Variants in PCBP3 observed in about 807,000 individuals in gnomAD.
The protein encoded by PCBP3 is poly(rC) binding protein 3, also known as poly(rC)-binding protein 3.
A neutral mutation model predicts 52.7 loss-of-function variants in PCBP3; 25 were observed. The observed-to-expected ratio is 0.47, with a 90% CI of 0.35 to 0.66. PCBP3 has a LOEUF of 0.66. PCBP3 is among the 30% of genes least tolerant of loss of function. The probability of loss-of-function intolerance (pLI) is 0.01; values close to 1 mark genes in which losing one functional copy is unlikely to be tolerated. For missense variants in PCBP3, 391 were observed against 490.3 expected (o/e 0.80, Z 1.91); for synonymous variants, 162 against 183.0 (o/e 0.89, Z 0.93).
chr21:45,794,129 AG>A (rs1441284310), intron 4 of PCBP3, among the ~76,000 whole-genome samples: 1 of 152,216 alleles, frequency 6.6e-6, no homozygotes, highest in Admixed American at 6.5e-5. Context: ...ACTAAACTTC[AG>A]GGTTTTTTTC....
chr21:45,810,456 G>A (rs1228622096), intron 4 of PCBP3, among the ~76,000 whole-genome samples: 1 of 150,924 alleles, frequency 6.6e-6, no homozygotes, highest in East Asian at 1.9e-4. Context: ...TAGAGATGAG[G>A]TTTTGCCACA....
chr21:45,839,840 C>T (rs1730287190), intron 4 of PCBP3, among the ~76,000 whole-genome samples: 1 of 151,954 alleles, frequency 6.6e-6, no homozygotes, highest in African/African-American at 2.4e-5. Flanking sequence ...GCGCCCGCCA[C>T]CACACCTGGC....
intron 4 of PCBP3, among the ~76,000 whole-genome samples, chr21:45,819,048 C>G (rs1019667017): frequency 6.6e-6 from 1 of 152,182 alleles, no homozygotes; most frequent in Non-Finnish European, 1.5e-5. Flanking sequence ...ACTTTTACTA[C>G]AGGGAAAATA....
rs570138192 is a variant in PCBP3 at position 45,936,482 on chromosome 21, G to A, written c.909+1177G>A. Among the ~76,000 whole-genome samples, 9 of 152,328 alleles carry A rather than the reference G, an allele frequency of 5.9e-5. No homozygotes were observed. In the South Asian group the frequency reaches 8.3e-4, roughly 14 times the overall value. Reference sequence around the variant, plus strand: ...GGCATCCCCAAGGATTTCTGAGGTTGGCCCAACTTGAAAGGCAGCAGCACA... The same window carrying A: ...GGCATCCCCAAGGATTTCTGAGGTTAGCCCAACTTGAAAGGCAGCAGCACA... On this transcript the variant is annotated intron_variant, in intron 16 of 17. Coordinates refer to ENST00000681687, the MANE Select transcript of PCBP3 (RefSeq NM_001384156.1).
At chr21:45,671,092 G>A (rs1371168735) in intron 2 of PCBP3, among the ~76,000 whole-genome samples, 2 of 152,196 alleles carry the variant, frequency 1.3e-5, no homozygotes. Flanking sequence ...CCAGTGATGG[G>A]GTTCTATCTA....
intron 5 of PCBP3, among the ~76,000 whole-genome samples, chr21:45,868,786 A>G (rs1488765420): frequency 6.6e-6 from 1 of 152,206 alleles, no homozygotes; most frequent in Non-Finnish European, 1.5e-5. Context: ...TGGCCGAGAC[A>G]GGGAAGGGAG....
At chr21:45,825,750 G>A (rs557884942) in intron 4 of PCBP3, among the ~76,000 whole-genome samples, 35 of 152,172 alleles carry the variant, frequency 2.3e-4, no homozygotes, top group Non-Finnish European at 5.0e-4. Context: ...GTCTGGGGAG[G>A]GGAAGTTCTC....
chr21:45,744,629 T>C (rs1359827313), intron 3 of PCBP3, among the ~76,000 whole-genome samples: 2 of 152,238 alleles, frequency 1.3e-5, no homozygotes, highest in African/African-American at 4.8e-5. Context: ...AATTTTACTA[T>C]TAATTTCTCA....
At chr21:45,836,463 G>A (rs1208075640) in intron 4 of PCBP3, 5 of 151,164 alleles carry the variant, frequency 3.3e-5, no homozygotes, top group Admixed American at 3.3e-4. Flanking sequence ...CAACGTCTTG[G>A]CCTTCCTGCC....
At chr21:45,919,152 G>C (rs1220882561) in intron 13 of PCBP3, 1 of 152,296 alleles carries the variant, frequency 6.6e-6, no homozygotes, top group Non-Finnish European at 1.5e-5. Context: ...GGCCCCACCG[G>C]AAGTGCTTCG....
rs541930100 is a variant in PCBP3 at position 45,780,638 on chromosome 21, G to A, written c.-126+25186G>A. On this transcript the variant is annotated intron_variant, in intron 4 of 17. Transcript: ENST00000681687. Reference sequence around the variant, plus strand: ...AGAGTTGGGTCTGGGTGTGTGGCTCGGGTGAAACACACAGGAGACAGCACA... The same window carrying A: ...AGAGTTGGGTCTGGGTGTGTGGCTCAGGTGAAACACACAGGAGACAGCACA... Among the ~76,000 whole-genome samples the A allele has an allele frequency of 2.0e-4, 31 of 152,272 alleles. No homozygotes were observed. In the South Asian group the frequency reaches 3.7e-3, roughly 18 times the overall value.
At chr21:45,810,515 C>T (rs1043301810) in intron 4 of PCBP3, among the ~76,000 whole-genome samples, 6 of 152,034 alleles carry the variant, frequency 3.9e-5, no homozygotes, top group Non-Finnish European at 7.4e-5. Flanking sequence ...CTTCCCACCT[C>T]GGTCTCCCAA....
rs184940591 is a variant in PCBP3, at chr21:45,735,813, G to T, written c.-162+384G>T. On this transcript the variant is annotated intron_variant, in intron 3 of 17. Transcript: ENST00000681687. The surrounding 1 kb of genome is among the most constrained non-coding windows in gnomAD (Gnocchi z 4.0). ...AAGCCTACCGCACGCCTTTGTTCTTGTGCCAACAGTGCCCACTGCCCGGTA... is the reference window on the plus strand; with the variant it reads ...AAGCCTACCGCACGCCTTTGTTCTTTTGCCAACAGTGCCCACTGCCCGGTA... Among the ~76,000 whole-genome samples the T allele has an allele frequency of 3.9e-5, 6 of 152,288 alleles. No homozygotes were observed. Among genetic ancestry groups the T allele is most frequent in the Admixed American group, 3.3e-4 (5 of 15,290 alleles).
At chr21:45,648,130 T>G (rs1021383591) in intron 1 of PCBP3, among the ~76,000 whole-genome samples, 5 of 152,210 alleles carry the variant, frequency 3.3e-5, no homozygotes, top group Non-Finnish European at 7.4e-5. Context: ...GTCCTTGGTT[T>G]CTAGCCCAGT....
chr21:45,721,538 C>T (rs2084641824), intron 2 of PCBP3, among the ~76,000 whole-genome samples: 1 of 152,022 alleles, frequency 6.6e-6, no homozygotes, highest in African/African-American at 2.4e-5. Flanking sequence ...ATTTCCACAG[C>T]TCCTGACCCC....
chr21:45,907,667 T>C (rs1397558282), intron 9 of PCBP3, among the ~76,000 whole-genome samples: 1 of 152,106 alleles, frequency 6.6e-6, no homozygotes, highest in Admixed American at 6.5e-5. Flanking sequence ...TTGCAGGTCT[T>C]GTCTGGGTGT....
intron 2 of PCBP3, among the ~76,000 whole-genome samples, chr21:45,731,499 A>G (rs987902548): frequency 3.3e-5 from 5 of 152,162 alleles, no homozygotes. Context: ...GAGTTTGCCA[A>G]AGTTCATCTC....
At chr21:45,923,507 C>A (rs898919965) in intron 13 of PCBP3, among the ~76,000 whole-genome samples, 1 of 152,216 alleles carries the variant, frequency 6.6e-6, no homozygotes, top group Non-Finnish European at 1.5e-5. Flanking sequence ...GCACGGCTCT[C>A]ACATGCTGTT....
intron 4 of PCBP3, among the ~76,000 whole-genome samples, chr21:45,792,663 T>A (rs2091683450): frequency 6.6e-6 from 1 of 152,144 alleles, no homozygotes; most frequent in Admixed American, 6.5e-5. Context: ...CTTGATTGAT[T>A]ATTAAGAGAG....
Sources: gnomAD v4.1 joint callset for allele counts (sites outside exome capture counted in the v4.1 genomes callset) on GRCh38, gnomAD v4.1.1 for gene constraint, Gnocchi (gnomAD v3.1) non-coding constraint, MANE v1.5 for transcripts, NCBI Gene and HGNC (gene_info 2026-07-23, HGNC 2026-07-21) for gene names.